Variants in GFRA1 observed in about 807,000 individuals in gnomAD.
GFRA1 encodes the protein GDNF family receptor alpha 1.
A neutral mutation model predicts 51.6 loss-of-function variants in GFRA1; 16 were observed. That is an observed-to-expected ratio of 0.31 (90% CI 0.21 to 0.47). GFRA1 has a LOEUF of 0.47. Among genes scored for constraint, GFRA1 ranks in the 20% least tolerant of loss-of-function variants. The pLI is 1.00. For synonymous variants in GFRA1, 270 were observed against 241.3 expected (o/e 1.12, Z -1.10); for missense variants, 530 against 594.3 (o/e 0.89, Z 1.13).
chr10:116,172,934 G>A lies in GFRA1; in HGVS notation c.433+38697C>T, dbSNP rs373224509. On this transcript the variant is annotated intron_variant, in intron 5 of 10. Coordinates refer to ENST00000355422, the MANE Select transcript of GFRA1 (RefSeq NM_005264.8). ...GCCAAGAGCCCCTTGCGAGACTGCT[G>A]CAGACACCCAGAGGTATAAGAATAT... Among the ~76,000 whole-genome samples the A allele has an allele frequency of 4.6e-5, 7 of 152,304 alleles. No individual in the cohort carries two copies. In the East Asian group the frequency reaches 1.4e-3, roughly 29 times the overall value.
intron 7 of GFRA1, among the ~76,000 whole-genome samples, chr10:116,095,860 C>T (rs956396160): frequency 6.6e-6 from 1 of 152,122 alleles, no homozygotes; most frequent in Non-Finnish European, 1.5e-5. Context: ...CACCCTTCCA[C>T]AGCTTTCACT....
intron 5 of GFRA1, among the ~76,000 whole-genome samples, chr10:116,167,202 A>C (rs1409391608): frequency 3.3e-5 from 5 of 152,118 alleles, no homozygotes; most frequent in African/African-American, 1.2e-4. Flanking sequence ...CAGACTTTCA[A>C]GGTTTTCCTA....
chr10:116,094,289 C>T (rs1956482206), intron 7 of GFRA1, among the ~76,000 whole-genome samples: 1 of 152,160 alleles, frequency 6.6e-6, no homozygotes, highest in Non-Finnish European at 1.5e-5. Flanking sequence ...CATAGGGAAG[C>T]TAGAAGCTTC....
chr10:116,116,158 G>A (rs781137226), intron 6 of GFRA1, among the ~76,000 whole-genome samples: 5 of 152,066 alleles, frequency 3.3e-5, no homozygotes, highest in African/African-American at 7.2e-5. Context: ...GCAATGGTGC[G>A]ATCTCCACTC....
At chr10:116,168,144 A>ATTT (rs35559235) in intron 5 of GFRA1, among the ~76,000 whole-genome samples, 1 of 145,264 alleles carries the variant, frequency 6.9e-6, no homozygotes, top group Non-Finnish European at 1.5e-5. Flanking sequence ...AAACCAGGGA[A>ATTT]TTTTTTTTTT....
intron 9 of GFRA1, among the ~76,000 whole-genome samples, chr10:116,066,371 G>C (rs560530339): frequency 2.3e-4 from 35 of 152,302 alleles, no homozygotes; most frequent in African/African-American, 8.4e-4. Flanking sequence ...GAGCAGTACA[G>C]ATACTCAATC....
At chr10:116,273,847 C>G (rs1350179924), upstream of GFRA1, among the ~76,000 whole-genome samples, 1 of 152,146 alleles carries the variant, frequency 6.6e-6, no homozygotes, top group African/African-American at 2.4e-5. Context: ...AAGACACACT[C>G]AGACCCAGGA....
intron 5 of GFRA1, among the ~76,000 whole-genome samples, chr10:116,138,194 G>A (rs531621009): frequency 6.6e-6 from 1 of 152,162 alleles, no homozygotes; most frequent in East Asian, 1.9e-4. Flanking sequence ...GGGCTTTTTG[G>A]TCACCTACTA....
At position 116,063,400 on chromosome 10, in the gene GFRA1, G is replaced by C. The variant is rs2133754203; in HGVS notation, c.*998C>G. On this transcript the variant is annotated 3_prime_UTR_variant, in exon 11 of 11. Coordinates refer to ENST00000355422, the MANE Select transcript of GFRA1 (RefSeq NM_005264.8). ...AGGCTTCTCAGAGTCTGCTTTTGAT[G>C]AGCTGTATTTGTGAAGTTCATATCA... 6.6e-6 allele frequency: 1 copy of C among 152,354 alleles called. No homozygotes were observed. Among genetic ancestry groups the C allele is most frequent in the South Asian group, 2.1e-4 (1 of 4,828 alleles). The allele number at this position is 152,354 out of a possible 1,614,324, so 9.4% of individuals were successfully genotyped here.
chr10:116,123,373 C>CTCATACA (rs1316676890), intron 6 of GFRA1, among the ~76,000 whole-genome samples: 1 of 152,214 alleles, frequency 6.6e-6, no homozygotes, highest in Middle Eastern at 3.2e-3. Context: ...CGAGTCCTTC[C>CTCATACA]TCATACAGCA....
rs546642600 is a variant in GFRA1, at chr10:116,230,625, A to T, written c.419-18980T>A. Among the ~76,000 whole-genome samples the T allele has an allele frequency of 2.6e-5, 4 of 152,036 alleles. No individual in the cohort carries two copies. In the South Asian group the frequency reaches 8.3e-4, roughly 32 times the overall value. Reference sequence around the variant, plus strand: ...TAAACAAGACTGGTTTCAACTCTGAAAGTATTTATTGAGCAACTGTTAGAC... The same window carrying T: ...TAAACAAGACTGGTTTCAACTCTGATAGTATTTATTGAGCAACTGTTAGAC... On this transcript the variant is annotated intron_variant, in intron 4 of 10. Coordinates refer to ENST00000355422, the MANE Select transcript of GFRA1 (RefSeq NM_005264.8).
At position 116,199,105 on chromosome 10, in the gene GFRA1, G is replaced by C. The variant is rs1589865884; in HGVS notation, c.433+12526C>G. On this transcript the variant is annotated intron_variant, in intron 5 of 10. Transcript: ENST00000355422. ...TCCTCTTCTAGAGCCTTCAGAGAGA[G>C]CATGGCCTGCTGACACCTTGATTTC... Among the ~76,000 whole-genome samples the C allele has an allele frequency of 2.6e-5, 4 of 152,312 alleles. No homozygotes were observed. In the South Asian group the frequency reaches 8.3e-4, roughly 32 times the overall value.
intron 5 of GFRA1, among the ~76,000 whole-genome samples, chr10:116,132,956 T>C (rs184937571): frequency 3.9e-5 from 6 of 152,278 alleles, no homozygotes; most frequent in Non-Finnish European, 8.8e-5. Flanking sequence ...ACAGCTTTAC[T>C]ATAACTCTAA....
intron 4 of GFRA1, among the ~76,000 whole-genome samples, chr10:116,262,530 C>G (rs904287382): frequency 2.0e-5 from 3 of 151,994 alleles, no homozygotes; most frequent in African/African-American, 7.3e-5. Context: ...CATGTATGTA[C>G]ATACACATCT....
At chr10:116,111,193 C>T (rs1957196592) in intron 6 of GFRA1, among the ~76,000 whole-genome samples, 1 of 152,198 alleles carries the variant, frequency 6.6e-6, no homozygotes, top group Middle Eastern at 3.2e-3. Context: ...CCTTAAAACC[C>T]TGTGTTTTGC....
intron 4 of GFRA1, among the ~76,000 whole-genome samples, chr10:116,269,078 A>G (rs1314624037): frequency 6.6e-6 from 1 of 152,168 alleles, no homozygotes; most frequent in South Asian, 2.1e-4. Context: ...ACAATCTAAG[A>G]TTATCTTTGG....
At chr10:116,147,024 TTGTGTGTG>T (rs55916204) in intron 5 of GFRA1, among the ~76,000 whole-genome samples, 1 of 150,184 alleles carries the variant, frequency 6.7e-6, no homozygotes, top group African/African-American at 2.4e-5. Context: ...ATTTATTTAT[TTGTGTGTG>T]TGTGTGTGTG....
At chr10:116,080,172 T>C (rs749808273) in intron 9 of GFRA1, among the ~76,000 whole-genome samples, 6 of 152,210 alleles carry the variant, frequency 3.9e-5, no homozygotes, top group African/African-American at 1.2e-4. Context: ...AGTACCATTT[T>C]TGAGCTGGGC....
At chr10:116,210,148 A>T (rs1466010269) in intron 5 of GFRA1, among the ~76,000 whole-genome samples, 4 of 152,208 alleles carry the variant, frequency 2.6e-5, no homozygotes, top group Admixed American at 6.5e-5. Flanking sequence ...GGCAAACTTG[A>T]CAGAGGCAGT....
Sources: gnomAD v4.1 joint callset for allele counts (sites outside exome capture counted in the v4.1 genomes callset) on GRCh38, gnomAD v4.1.1 for gene constraint, MANE v1.5 for transcripts, NCBI Gene and HGNC (gene_info 2026-07-23, HGNC 2026-07-21) for gene names.